The following TUSC3 variants were observed in gnomAD, a reference collection of about 807,000 sequenced individuals.
TUSC3 encodes the protein tumor suppressor candidate 3, also known as dolichyl-diphosphooligosaccharide--protein glycosyltransferase subunit TUSC3.
A neutral mutation model predicts 44.8 loss-of-function variants in TUSC3; 45 were observed. That is an observed-to-expected ratio of 1.00 (90% CI 0.79 to 1.29). The LOEUF (loss-of-function observed/expected upper bound fraction) is 1.29, where lower values mean the gene tolerates loss of function less well. Ranked by LOEUF, TUSC3 falls within the 50% of genes most tolerant of loss-of-function variation. TUSC3 has a pLI of 0.00. For synonymous variants in TUSC3, 212 were observed against 152.9 expected, an observed-to-expected ratio of 1.39 and a Z score of -2.85; for missense variants, 519 against 437.9, an observed-to-expected ratio of 1.19 and a Z score of -1.65.
At chr8:15,569,560 G>A (rs1802795158) in intron 1 of TUSC3, among the ~76,000 whole-genome samples, 1 of 152,092 alleles carries the variant, frequency 6.6e-6, no homozygotes, top group Admixed American at 6.6e-5. Context: ...AGGAGCGTGA[G>A]TAAATAATTT....
chr8:15,538,711 C>A (rs1801572029), upstream of TUSC3, among the ~76,000 whole-genome samples: 1 of 152,054 alleles, frequency 6.6e-6, no homozygotes, highest in Non-Finnish European at 1.5e-5. Context: ...TAAAGGCAGG[C>A]AACAAACCAC....
intron 2 of TUSC3, 121 bp from the exon 3 acceptor site, chr8:15,650,576 C>T: frequency 2.8e-6 from 2 of 726,910 alleles, no homozygotes; most frequent in East Asian, 2.6e-5. Context: ...AAAAACTATG[C>T]TTTTCTTACA....
intron 2 of TUSC3, among the ~76,000 whole-genome samples, chr8:15,489,196 G>T (rs1421910768): frequency 6.6e-6 from 1 of 152,150 alleles, no homozygotes; most frequent in African/African-American, 2.4e-5. Flanking sequence ...GTCTACATTG[G>T]TTCAGTCGGG....
At chr8:15,594,355 G>A (rs966358895) in intron 1 of TUSC3, among the ~76,000 whole-genome samples, 3 of 152,216 alleles carry the variant, frequency 2.0e-5, no homozygotes, top group East Asian at 1.9e-4. Flanking sequence ...TTTAACATCA[G>A]TGTCAGTTCT....
rs749833807 is a variant in TUSC3 at position 15,765,527 on chromosome 8, T to G, written c.*1371T>G. On this transcript the variant is annotated 3_prime_UTR_variant, in exon 11 of 11. Coordinates refer to ENST00000503731, the MANE Select transcript of TUSC3 (RefSeq NM_006765.4). ...TGTGAATTTCAATGAAGAATGGGAATATAAAGGCCTACTGGGGCATGTTTA... is the reference window on the plus strand; with the variant it reads ...TGTGAATTTCAATGAAGAATGGGAAGATAAAGGCCTACTGGGGCATGTTTA... 59 of 152,018 alleles carry G rather than the reference T, an allele frequency of 3.9e-4. No homozygotes were observed. Among genetic ancestry groups the G allele is most frequent in the Non-Finnish European group, 6.2e-4 (42 of 67,958 alleles). The allele number at this position is 152,018 out of a possible 1,614,324, so 9.4% of individuals were successfully genotyped here.
intron 6 of TUSC3, among the ~76,000 whole-genome samples, chr8:15,725,927 C>A (rs114696552): frequency 6.6e-6 from 1 of 152,114 alleles, no homozygotes; most frequent in Non-Finnish European, 1.5e-5. Flanking sequence ...GTAACAACTA[C>A]TTCATTAAAT....
intron 2 of TUSC3, among the ~76,000 whole-genome samples, chr8:15,487,296 G>C (rs564986461): frequency 9.2e-5 from 14 of 152,206 alleles, no homozygotes; most frequent in African/African-American, 3.4e-4. Context: ...AAGCTTCTGA[G>C]TATCTTGAGA....
chr8:15,641,439 C>T (rs185788420), intron 2 of TUSC3, among the ~76,000 whole-genome samples: 1 of 151,606 alleles, frequency 6.6e-6, no homozygotes, highest in Non-Finnish European at 1.5e-5. Context: ...AAGAGTAAGC[C>T]TAGTTTATCA....
At chr8:15,798,765 C>CT in the TUSC3 span, among the ~76,000 whole-genome samples, 1 of 152,106 alleles carries the variant, frequency 6.6e-6, no homozygotes, top group South Asian at 2.1e-4. Context: ...TTGACTGGCT[C>CT]TTACAGGGAC....
rs541465619 is a variant in TUSC3 at position 15,547,092 on chromosome 8, G to T, written c.138+6524G>T. Among the ~76,000 whole-genome samples, 25 of 151,766 alleles carry T rather than the reference G, an allele frequency of 1.6e-4. 1 individual carries two copies. Among genetic ancestry groups the T allele is most frequent in the Admixed American group, 5.3e-4 (8 of 15,208 alleles). The stretch of plus-strand genomic sequence containing the variant: ...TATTATTAAAATTTTGGTTAATCAT[G>T]TAAAGATACCTACCAAGTTTGATAT... On this transcript the variant is annotated intron_variant, in intron 1 of 10. Transcript: ENST00000503731.
chr8:15,526,372 G>A (rs1801373316), intron 2 of TUSC3, among the ~76,000 whole-genome samples: 1 of 152,066 alleles, frequency 6.6e-6, no homozygotes, highest in African/African-American at 2.4e-5. Context: ...CTATACAGAG[G>A]GAAACTAGTA....
At chr8:15,604,854 A>G (rs77648221) in intron 1 of TUSC3, among the ~76,000 whole-genome samples, 3,467 of 151,942 alleles carry the variant, frequency 0.023, 144 homozygotes, top group African/African-American at 0.078. Flanking sequence ...TTTATCTTAC[A>G]AGACCCAGGA....
At chr8:15,845,689 G>C in the TUSC3 span, among the ~76,000 whole-genome samples, 1 of 152,096 alleles carries the variant, frequency 6.6e-6, no homozygotes. Flanking sequence ...TCAGTATTTT[G>C]TTCTGTTTGC....
intron 1 of TUSC3, among the ~76,000 whole-genome samples, chr8:15,463,164 G>C (rs982541471): frequency 1.3e-5 from 2 of 152,030 alleles, no homozygotes; most frequent in South Asian, 2.1e-4. Flanking sequence ...AAAAACATAA[G>C]TTTGCAACTG....
chr8:15,585,384 C>T (rs947949029), intron 1 of TUSC3, among the ~76,000 whole-genome samples: 1 of 152,148 alleles, frequency 6.6e-6, no homozygotes, highest in African/African-American at 2.4e-5. Flanking sequence ...AGTTCTTTTT[C>T]TCATGACCTA....
intron 1 of TUSC3, among the ~76,000 whole-genome samples, chr8:15,565,317 T>C (rs1416257624): frequency 6.6e-6 from 1 of 152,136 alleles, no homozygotes; most frequent in Non-Finnish European, 1.5e-5. Flanking sequence ...ACCCTTACTA[T>C]TTTGGATCTA....
Position 15,655,283 on chromosome 8 carries a change from GCA to G in TUSC3, c.427-4222_427-4221del, listed in dbSNP as rs574466385. Among the ~76,000 whole-genome samples, 20 of 152,248 alleles carry G rather than the reference GCA, an allele frequency of 1.3e-4. No individual in the cohort carries two copies. In the South Asian group the frequency reaches 3.9e-3, roughly 30 times the overall value. ...CTTAAGTGAGTAGGCTCAAGCATGCGCACCAAGAGACAAAATGGCGGTGTTTA... is the reference window on the plus strand; with the variant it reads ...CTTAAGTGAGTAGGCTCAAGCATGCGCCAAGAGACAAAATGGCGGTGTTTA... On this transcript the variant is annotated intron_variant, in intron 3 of 10. Coordinates refer to ENST00000503731, the MANE Select transcript of TUSC3 (RefSeq NM_006765.4).
chr8:15,475,212 A>T (rs1467109192), intron 1 of TUSC3, among the ~76,000 whole-genome samples: 1 of 148,398 alleles, frequency 6.7e-6, no homozygotes, highest in African/African-American at 2.4e-5. Context: ...ATATATGGTT[A>T]TTAAATCCAT....
At chr8:15,799,679 A>C in the TUSC3 span, among the ~76,000 whole-genome samples, 1 of 152,182 alleles carries the variant, frequency 6.6e-6, no homozygotes, top group Non-Finnish European at 1.5e-5. Flanking sequence ...TCAGCCCATA[A>C]AGTCCTCATT....
Sources: allele counts gnomAD v4.1 joint callset (sites outside exome capture counted in the v4.1 genomes callset), GRCh38; gene constraint gnomAD v4.1.1; transcripts MANE v1.5; gene names NCBI Gene and HGNC (gene_info 2026-07-23, HGNC 2026-07-21).